Variants in CNBD1 observed in about 807,000 individuals in gnomAD.
CNBD1 encodes the protein cyclic nucleotide binding domain containing 1.
CNBD1 carries 71 observed loss-of-function variants against 54.4 expected under a neutral mutation model. The observed-to-expected ratio is 1.30, with a 90% CI of 1.08 to 1.59. The LOEUF (loss-of-function observed/expected upper bound fraction) is 1.59. Ranked by LOEUF, CNBD1 falls within the 40% of genes most tolerant of loss-of-function variation. The probability of loss-of-function intolerance (pLI) is 0.00; values close to 1 mark genes in which losing one functional copy is unlikely to be tolerated. For synonymous variants in CNBD1, 182 were observed against 170.7 expected, an observed-to-expected ratio of 1.07 and a Z score of -0.51; for missense variants, 659 against 518.0, an observed-to-expected ratio of 1.27 and a Z score of -2.64.
chr8:86,970,046 C>G (rs1361705754), intron 4 of CNBD1, among the ~76,000 whole-genome samples: 1 of 151,596 alleles, frequency 6.6e-6, no homozygotes, highest in Non-Finnish European at 1.5e-5. Context: ...TCTTTTCATT[C>G]TTGAATGTTT....
intron 2 of CNBD1, among the ~76,000 whole-genome samples, chr8:87,391,959 A>T (rs57210260): frequency 0.057 from 8,675 of 152,122 alleles, 807 homozygotes; most frequent in African/African-American, 0.2. Context: ...TATACCCAGC[A>T]TGTAAAAAGA....
intron 10 of CNBD1, among the ~76,000 whole-genome samples, chr8:87,372,618 C>T (rs754888033): frequency 1.3e-5 from 2 of 151,800 alleles, no homozygotes; most frequent in African/African-American, 2.4e-5. Context: ...CATTGAAAAT[C>T]AATCTAGTAA....
At chr8:87,386,770 C>T (rs546572198), downstream of CNBD1, among the ~76,000 whole-genome samples, 6 of 152,250 alleles carry the variant, frequency 3.9e-5, no homozygotes, top group South Asian at 1.2e-3. Flanking sequence ...CACAAAGATA[C>T]TCCTCAAGAA....
chr8:87,103,152 A>T (rs1292509551), intron 4 of CNBD1, among the ~76,000 whole-genome samples: 2 of 152,220 alleles, frequency 1.3e-5, no homozygotes, highest in African/African-American at 4.8e-5. Context: ...CATTTGCCAA[A>T]TATCAGCATA....
chr8:87,285,130 C>T (rs10111906), intron 7 of CNBD1, among the ~76,000 whole-genome samples: 42,786 of 151,850 alleles, frequency 0.28, 6,473 homozygotes, highest in African/African-American at 0.39. Flanking sequence ...TTTGCATGTC[C>T]GCAGCATGTC....
chr8:87,039,201 C>T (rs1810011518), intron 4 of CNBD1, among the ~76,000 whole-genome samples: 1 of 152,122 alleles, frequency 6.6e-6, no homozygotes, highest in Non-Finnish European at 1.5e-5. Context: ...CACATTTCTT[C>T]AACCTATGTT....
intron 4 of CNBD1, among the ~76,000 whole-genome samples, chr8:86,982,537 C>T (rs1167274766): frequency 6.6e-6 from 1 of 152,114 alleles, no homozygotes; most frequent in Non-Finnish European, 1.5e-5. Flanking sequence ...TGATTTGTTG[C>T]AAAGTCTATT....
chr8:87,409,151 T>C (rs1158101751), intron 2 of CNBD1, among the ~76,000 whole-genome samples: 4 of 152,144 alleles, frequency 2.6e-5, no homozygotes, highest in Non-Finnish European at 2.9e-5. Flanking sequence ...TAGCCATGTT[T>C]TGAATGCAAA....
intron 4 of CNBD1, among the ~76,000 whole-genome samples, chr8:86,964,307 G>A (rs559241503): frequency 2.6e-4 from 39 of 152,144 alleles, no homozygotes; most frequent in South Asian, 1.0e-3. Flanking sequence ...CCATTCTCCC[G>A]TTTCATCATT....
chr8:86,933,608 C>G (rs972925201), intron 3 of CNBD1, among the ~76,000 whole-genome samples: 2 of 152,036 alleles, frequency 1.3e-5, no homozygotes, highest in African/African-American at 4.8e-5. Context: ...CAACAAAATT[C>G]AGGATAATGG....
At chr8:87,379,157 G>A (rs948892280) in intron 10 of CNBD1, among the ~76,000 whole-genome samples, 2 of 151,872 alleles carry the variant, frequency 1.3e-5, no homozygotes. Context: ...TCCTTCTCCT[G>A]CCTAATTGCC....
intron 2 of CNBD1, among the ~76,000 whole-genome samples, chr8:86,896,058 C>T (rs1170812989): frequency 6.6e-6 from 1 of 151,848 alleles, no homozygotes; most frequent in Non-Finnish European, 1.5e-5. Context: ...GTAGAGGCTA[C>T]TATTGAGTTT....
intron 4 of CNBD1, among the ~76,000 whole-genome samples, chr8:87,013,974 TAAAAA>T (rs964505286): frequency 2.1e-5 from 3 of 144,476 alleles, no homozygotes; most frequent in African/African-American, 7.6e-5. Context: ...AAGTCTAAAA[TAAAAA>T]AAAAAGGAAA....
chr8:87,422,843 G>A (rs1256142020), intron 2 of CNBD1, among the ~76,000 whole-genome samples: 2 of 152,094 alleles, frequency 1.3e-5, no homozygotes, highest in Non-Finnish European at 2.9e-5. Context: ...GGATGGCATT[G>A]AATCTGTAAA....
At chr8:87,156,357 G>A (rs1029917391) in intron 4 of CNBD1, among the ~76,000 whole-genome samples, 33 of 146,316 alleles carry the variant, frequency 2.3e-4, no homozygotes, top group African/African-American at 8.5e-4. Flanking sequence ...CGATTCTCGT[G>A]CCTCAGCCTT....
intron 8 of CNBD1, among the ~76,000 whole-genome samples, chr8:87,310,081 A>G (rs1373007998): frequency 6.6e-6 from 1 of 152,112 alleles, no homozygotes; most frequent in African/African-American, 2.4e-5. Context: ...CCAGACAGAT[A>G]TGGTGGCTCA....
chr8:87,072,693 G>C (rs1455018554), intron 4 of CNBD1, among the ~76,000 whole-genome samples: 1 of 151,444 alleles, frequency 6.6e-6, no homozygotes, highest in Admixed American at 6.6e-5. Flanking sequence ...GTCTGATGGG[G>C]TTCTATTTGT....
At chr8:87,366,438 C>T (rs1745484106) in intron 10 of CNBD1, among the ~76,000 whole-genome samples, 1 of 152,066 alleles carries the variant, frequency 6.6e-6, no homozygotes, top group South Asian at 2.1e-4. Flanking sequence ...ATGAAGAATT[C>T]CTTCTGCTGA....
chr8:86,975,653 A>T (rs898434353), intron 4 of CNBD1, among the ~76,000 whole-genome samples: 11 of 152,030 alleles, frequency 7.2e-5, no homozygotes, highest in Admixed American at 6.6e-4. Context: ...AGTTGTTTCT[A>T]TATCTTGACT....
Sources: allele counts gnomAD v4.1 joint callset (sites outside exome capture counted in the v4.1 genomes callset), GRCh38; gene constraint gnomAD v4.1.1; transcripts MANE v1.5; gene names NCBI Gene and HGNC (gene_info 2026-07-23, HGNC 2026-07-21).